Variants in PAH observed in about 807,000 individuals in gnomAD.
The protein encoded by PAH is phenylalanine-4-hydroxylase.
PAH carries 64 observed loss-of-function variants against 62.0 expected under a neutral mutation model. That is an observed-to-expected ratio of 1.03 (90% CI 0.84 to 1.27). PAH has a LOEUF of 1.27. Among genes scored for constraint, PAH ranks in the 50% most tolerant of loss-of-function variants. The pLI, the probability that PAH is intolerant of heterozygous loss-of-function variation, is 0.00. For missense variants in PAH, 579 were observed against 542.8 expected (o/e 1.07, Z -0.66); for synonymous variants, 195 against 196.2 (o/e 0.99, Z 0.05).
At chr12:102,885,561 G>C (rs773880461) in intron 3 of PAH, among the ~76,000 whole-genome samples, 2 of 152,184 alleles carry the variant, frequency 1.3e-5, no homozygotes, top group Non-Finnish European at 2.9e-5. Flanking sequence ...GGCTCCAAAG[G>C]AAGCAGCCCG....
At chr12:102,954,661 GTTCTCTCAGGTCGGGAGGAGGGA>G (rs1879862169), upstream of PAH, among the ~76,000 whole-genome samples, 1 of 152,206 alleles carries the variant, frequency 6.6e-6, no homozygotes, top group Non-Finnish European at 1.5e-5. Flanking sequence ...CATGTGGCCA[GTTCTCTCAGGTCGGGAGGAGGGA>G]TTATAATCTA....
Position 102,933,687 on chromosome 12 carries a change from C to T in PAH, c.-95-16462G>A, listed in dbSNP as rs181815688. Among the ~76,000 whole-genome samples the T allele has an allele frequency of 1.2e-3, 179 of 152,150 alleles. 1 individual carries two copies. The highest frequency in any genetic ancestry group is 1.5e-3 in the Non-Finnish European group (105 of 67,942). ...ATTGCAGTTTTGATTAGCATTTCTC[C>T]GATGATCAATGATATCAAGCACGTT... On this transcript the variant is annotated intron_variant, in intron 1 of 3. Transcript: ENST00000546844.
chr12:102,848,103 T>C (rs925749860), intron 8 of PAH, among the ~76,000 whole-genome samples: 1 of 152,216 alleles, frequency 6.6e-6, no homozygotes, highest in East Asian at 1.9e-4. Flanking sequence ...ATGATCTCAC[T>C]TGTGTTACCA....
At chr12:102,894,578 A>G (rs1391206477) in intron 3 of PAH, among the ~76,000 whole-genome samples, 157 bp downstream of exon 3, 2 of 152,086 alleles carry the variant, frequency 1.3e-5, no homozygotes, top group East Asian at 3.8e-4. Context: ...CCAAGGCATT[A>G]TTTCCAATAC....
intron 3 of PAH, among the ~76,000 whole-genome samples, chr12:102,888,432 G>A (rs563291137): frequency 6.6e-6 from 1 of 151,606 alleles, no homozygotes; most frequent in African/African-American, 2.4e-5. Context: ...TAATGCGAAA[G>A]AATTTGGAAA....
chr12:102,886,428 C>T (rs1164837036), intron 3 of PAH, among the ~76,000 whole-genome samples: 2 of 152,050 alleles, frequency 1.3e-5, no homozygotes, highest in Non-Finnish European at 2.9e-5. Context: ...TTACAACTAC[C>T]CTCCCAATAT....
rs1379613102 is a variant in PAH at position 102,897,492 on chromosome 12, T to TATACATATATAA, written c.169-2575_169-2574insTTATATATGTAT. On this transcript the variant is annotated intron_variant, in intron 2 of 12. Transcript: ENST00000553106. The stretch of plus-strand genomic sequence containing the variant: ...ATATATATATATATATATATATATA[T>TATACATATATAA]AATTCAAACTGACATTTATTCTTGG... Among the ~76,000 whole-genome samples the TATACATATATAA allele has an allele frequency of 2.6e-3, 363 of 137,366 alleles. 3 individuals are homozygous for TATACATATATAA. Among genetic ancestry groups the TATACATATATAA allele is most frequent in the African/African-American group, 0.011 (343 of 31,236 alleles). 90.1% of individuals were successfully genotyped at this position (137,366 alleles called of 152,430 possible). A position where few individuals can be genotyped will look rare whatever the true frequency, so the allele number is the denominator to read the frequency against.
At chr12:102,853,030 T>A (rs1307565104) in intron 6 of PAH, 80 bp from the exon 7 acceptor site, 7 of 1,480,124 alleles carry the variant, frequency 4.7e-6, no homozygotes, top group Non-Finnish European at 5.6e-6. Flanking sequence ...GGTAGTGGAG[T>A]AGTACACATA....
At chr12:102,934,754 T>G (rs549541286) in intron 1 of PAH, among the ~76,000 whole-genome samples, 1 of 152,296 alleles carries the variant, frequency 6.6e-6, no homozygotes, top group South Asian at 2.1e-4. Context: ...CTACTGATTT[T>G]CTATGTTAAT....
intron 4 of PAH, among the ~76,000 whole-genome samples, chr12:102,867,653 A>G (rs1403982012): frequency 6.6e-6 from 1 of 152,074 alleles, no homozygotes; most frequent in Non-Finnish European, 1.5e-5. Flanking sequence ...TGTCCCTCCA[A>G]ACCAAGGCAG....
chr12:102,925,380 C>A (rs969828217), intron 1 of PAH, among the ~76,000 whole-genome samples: 1 of 152,136 alleles, frequency 6.6e-6, no homozygotes, highest in Non-Finnish European at 1.5e-5. Flanking sequence ...TTATTGATAT[C>A]ATAAAGCATC....
intron 4 of PAH, among the ~76,000 whole-genome samples, chr12:102,870,953 C>T (rs1876286091): frequency 6.6e-6 from 1 of 152,110 alleles, no homozygotes; most frequent in South Asian, 2.1e-4. Context: ...TTTTACTTCC[C>T]CCTTCTCTCT....
At chr12:102,844,304 A>C (rs62508724) in intron 10 of PAH, 32 bp downstream of exon 10, 1 of 1,448,918 alleles carries the variant, frequency 6.9e-7, no homozygotes, top group Admixed American at 1.7e-5. Context: ...CACCACTTTT[A>C]AATCTATCCT....
intron 2 of PAH, among the ~76,000 whole-genome samples, chr12:102,895,955 T>C (rs984907160): frequency 4.6e-5 from 7 of 151,290 alleles, no homozygotes; most frequent in African/African-American, 1.7e-4. Context: ...CACCCAACAG[T>C]GGCCAATCAT....
chr12:102,890,240 T>C (rs1166469433), intron 3 of PAH, among the ~76,000 whole-genome samples: 5 of 152,228 alleles, frequency 3.3e-5, no homozygotes, highest in Admixed American at 1.3e-4. Flanking sequence ...TACTTGAACC[T>C]GCTGTCAGAC....
chr12:102,918,138 G>C (rs897595561), upstream of PAH, among the ~76,000 whole-genome samples: 3 of 152,172 alleles, frequency 2.0e-5, 1 homozygote, highest in South Asian at 6.2e-4. Context: ...GTAGGGGGAT[G>C]GTCTATGAGT....
At chr12:102,913,314 G>A (rs181713132) in intron 1 of PAH, among the ~76,000 whole-genome samples, 1 of 152,260 alleles carries the variant, frequency 6.6e-6, no homozygotes, top group Non-Finnish European at 1.5e-5. Context: ...GATCCTTAGA[G>A]GTGATATAAT....
Position 102,957,857 on chromosome 12 carries a change from C to A in PAH, c.-96+338G>T, listed in dbSNP as rs1879972567. On this transcript the variant is annotated intron_variant, in intron 1 of 4. Transcript: ENST00000551337. This position sits in a 1 kb window ranked among gnomAD's most constrained non-coding sequence, Gnocchi z 4.1. ...GAGCGCAGCCTTAGTAGGAGAGGAACGCGAGACGCGGCAGAGCGCGTTCAG... is the reference window on the plus strand; with the variant it reads ...GAGCGCAGCCTTAGTAGGAGAGGAAAGCGAGACGCGGCAGAGCGCGTTCAG... 2 of 173,490 alleles carry A rather than the reference C, an allele frequency of 1.2e-5. No individual in the cohort carries two copies. Among genetic ancestry groups the A allele is most frequent in the Admixed American group, 6.3e-5 (1 of 15,806 alleles). 10.7% of individuals were successfully genotyped at this position (173,490 alleles called of 1,614,324 possible).
intron 2 of PAH, among the ~76,000 whole-genome samples, chr12:102,897,917 G>A (rs1375795131): frequency 1.3e-5 from 2 of 152,228 alleles, no homozygotes; most frequent in African/African-American, 4.8e-5. Context: ...GGCTGTGGGG[G>A]ACTGGAGCTC....
Sources: allele counts gnomAD v4.1 joint callset (sites outside exome capture counted in the v4.1 genomes callset), GRCh38; gene constraint gnomAD v4.1.1; non-coding constraint Gnocchi (gnomAD v3.1); transcripts MANE v1.5; gene names NCBI Gene and HGNC (gene_info 2026-07-23, HGNC 2026-07-21).